Variants in HACE1 observed in about 807,000 individuals in gnomAD.
HACE1 encodes E3 ubiquitin-protein ligase HACE1.
A neutral mutation model predicts 118.4 loss-of-function variants in HACE1; 73 were observed. The ratio of observed to expected loss-of-function variants is 0.62; its 90% CI spans 0.51 to 0.75. The LOEUF is 0.75. Among genes scored for constraint, HACE1 ranks in the 30% least tolerant of loss-of-function variants. The pLI, the probability that HACE1 is intolerant of heterozygous loss-of-function variation, is 0.00. For missense variants in HACE1, 749 were observed against 1,102.2 expected, an observed-to-expected ratio of 0.68 and a Z score of 4.54; for synonymous variants, 368 against 374.8, an observed-to-expected ratio of 0.98 and a Z score of 0.21.
Position 104,771,187 on chromosome 6 carries a change from A to G in HACE1, c.2211+6T>C, listed in dbSNP as rs201330390. On this transcript the variant is annotated splice_donor_region_variant and intron_variant, in intron 19 of 23. Transcript: ENST00000262903. ...CAATGGTTAAGGTAAAAACTGAAAT[A>G]CTCACTTTATTATTTTGTGTCACAA... The G allele has an allele frequency of 2.5e-6, 4 of 1,593,674 alleles. No homozygotes were observed. The African/African-American group carries it at 4.0e-5, about 16-fold the overall frequency.
At chr6:104,764,076 C>T (rs767610402) in intron 19 of HACE1, among the ~76,000 whole-genome samples, 4 of 151,918 alleles carry the variant, frequency 2.6e-5, no homozygotes, top group South Asian at 2.1e-4. Flanking sequence ...AAGTACTGCA[C>T]ACTTTTTATT....
At chr6:104,801,134 T>A (rs947551137) in intron 7 of HACE1, among the ~76,000 whole-genome samples, 15 of 151,980 alleles carry the variant, frequency 9.9e-5, no homozygotes, top group African/African-American at 3.6e-4. Flanking sequence ...AAGATCAAAT[T>A]AATGACATAA....
At chr6:104,820,003 T>G (rs1772523006) in intron 6 of HACE1, among the ~76,000 whole-genome samples, 1 of 152,068 alleles carries the variant, frequency 6.6e-6, no homozygotes, top group African/African-American at 2.4e-5. Context: ...GAGACCACCC[T>G]GACCAACATG....
At chr6:104,818,799 A>C (rs776271036) in intron 6 of HACE1, among the ~76,000 whole-genome samples, 4 of 152,196 alleles carry the variant, frequency 2.6e-5, no homozygotes, top group Admixed American at 6.5e-5. Context: ...TTATCTCAAC[A>C]GATGCAGAAA....
At chr6:104,790,897 T>C (rs918048498) in intron 11 of HACE1, among the ~76,000 whole-genome samples, 2 of 137,954 alleles carry the variant, frequency 1.4e-5, no homozygotes, top group Admixed American at 7.2e-5. Flanking sequence ...TTCATAAAAT[T>C]ATAATTTAAC....
chr6:104,831,975 GAAGAGAGGAAGGA>G (rs1245706790), intron 6 of HACE1, among the ~76,000 whole-genome samples: 1,328 of 52,570 alleles, frequency 0.025, 2 homozygotes, highest in East Asian at 0.059. Flanking sequence ...GAAGAGAAGA[GAAGAGAGGAAGGA>G]AGGAAGGAAG....
intron 22 of HACE1, among the ~76,000 whole-genome samples, chr6:104,740,128 C>A (rs1297898966): frequency 8.8e-5 from 13 of 148,434 alleles, no homozygotes; most frequent in East Asian, 5.8e-4. Context: ...ATGAGAACAA[C>A]GACACAACAT....
intron 14 of HACE1, among the ~76,000 whole-genome samples, chr6:104,779,352 C>G (rs936088763): frequency 1.3e-5 from 2 of 152,162 alleles, no homozygotes; most frequent in African/African-American, 4.8e-5. Context: ...TTAAAAGATT[C>G]AAATATCACT....
At position 104,729,474 on chromosome 6, in the gene HACE1, T is replaced by G. The variant is rs1774972229; in HGVS notation, c.*188A>C. 1.7e-6 allele frequency: 1 copy of G among 599,670 alleles called. No individual in the cohort carries two copies. The highest frequency in any genetic ancestry group is 1.9e-5 in the African/African-American group (1 of 53,764). 37.1% of individuals were successfully genotyped at this position (599,670 alleles called of 1,614,324 possible). On this transcript the variant is annotated 3_prime_UTR_variant, in exon 24 of 24. Transcript: ENST00000262903. ...CTACTGTGATTTTATATTTTCTAATTGTATCACAAACAGAGAAAACATAAA... is the reference window on the plus strand; with the variant it reads ...CTACTGTGATTTTATATTTTCTAATGGTATCACAAACAGAGAAAACATAAA...
chr6:104,830,722 G>T (rs1773770601), intron 6 of HACE1, among the ~76,000 whole-genome samples: 1 of 147,236 alleles, frequency 6.8e-6, no homozygotes, highest in African/African-American at 2.5e-5. Context: ...TGGTTTTGTT[G>T]TTGTTATTAT....
At chr6:104,806,608 C>T (rs964726013) in intron 7 of HACE1, among the ~76,000 whole-genome samples, 5 of 152,088 alleles carry the variant, frequency 3.3e-5, no homozygotes, top group African/African-American at 1.2e-4. Flanking sequence ...TTTCAGACTG[C>T]TCAGAGTGTT....
intron 19 of HACE1, among the ~76,000 whole-genome samples, chr6:104,764,258 A>G (rs1779724881): frequency 6.6e-6 from 1 of 152,056 alleles, no homozygotes; most frequent in Non-Finnish European, 1.5e-5. Flanking sequence ...TTGTATTTTT[A>G]GTAGAGACGG....
At chr6:104,743,103 A>C (rs1185781354) in intron 22 of HACE1, among the ~76,000 whole-genome samples, 1 of 145,928 alleles carries the variant, frequency 6.9e-6, no homozygotes, top group Admixed American at 7.1e-5. Context: ...ATAGGTGGGA[A>C]TTGAACAATG....
At chr6:104,848,055 T>C (rs1775830265) in intron 4 of HACE1, among the ~76,000 whole-genome samples, 1 of 150,788 alleles carries the variant, frequency 6.6e-6, no homozygotes, top group African/African-American at 2.4e-5. Context: ...TTTCACCACG[T>C]TGGTCAGACT....
chr6:104,733,829 A>G (rs895000322), intron 22 of HACE1, among the ~76,000 whole-genome samples: 1 of 136,730 alleles, frequency 7.3e-6, no homozygotes. Context: ...ATAGAGCAAG[A>G]CTTCATCTCA....
chr6:104,819,870 C>T (rs1383244254), intron 6 of HACE1, among the ~76,000 whole-genome samples: 2 of 152,146 alleles, frequency 1.3e-5, no homozygotes, highest in Non-Finnish European at 1.5e-5. Flanking sequence ...ACACCATATA[C>T]AAAAATTAAC....
chr6:104,782,491 T>A (rs1315081132), intron 14 of HACE1: 2 of 151,834 alleles, frequency 1.3e-5, no homozygotes, highest in African/African-American at 4.8e-5. Context: ...TCAAAAAAAA[T>A]AAATAAATAA....
In HACE1 at chr6:104,844,821, C is replaced by T. The variant is rs192700196; in HGVS notation, c.327-1523G>A. Among the ~76,000 whole-genome samples, 4 of 152,156 alleles carry T rather than the reference C, an allele frequency of 2.6e-5. No homozygotes were observed. In the East Asian group the frequency reaches 7.7e-4, roughly 29 times the overall value. On this transcript the variant is annotated intron_variant, in intron 4 of 23. Transcript: ENST00000262903. ...GGGATTACAGGCGCCCGCCACCATGCCCAGCTAATTTTTCGTATTTTTAGT... is the reference window on the plus strand; with the variant it reads ...GGGATTACAGGCGCCCGCCACCATGTCCAGCTAATTTTTCGTATTTTTAGT...
At chr6:104,856,994 T>C (rs1776782032) in intron 1 of HACE1, among the ~76,000 whole-genome samples, 1 of 151,992 alleles carries the variant, frequency 6.6e-6, no homozygotes, top group African/African-American at 2.4e-5. Context: ...GTTTACAAGT[T>C]TAATAGTTTG....
Sources: gnomAD v4.1 joint callset for allele counts (sites outside exome capture counted in the v4.1 genomes callset) on GRCh38, gnomAD v4.1.1 for gene constraint, MANE v1.5 for transcripts, NCBI Gene and HGNC (gene_info 2026-07-23, HGNC 2026-07-21) for gene names.